REDIC1: variants seen among roughly 807,000 people sequenced by gnomAD.
REDIC1 encodes the protein regulator of DNA class I crossover intermediates 1.
the REDIC1 span, chr12:39,716,638 A>G: frequency 1.5e-6 from 1 of 656,914 alleles, no homozygotes; most frequent in South Asian, 2.0e-5. Flanking sequence ...GGTACATTTT[A>G]AAGTGTTTTG....
the REDIC1 span, among the ~76,000 whole-genome samples, chr12:39,811,482 C>G: frequency 6.6e-6 from 1 of 151,898 alleles, no homozygotes; most frequent in South Asian, 2.1e-4. Flanking sequence ...TTAGCTGTCC[C>G]CTGACGTTCT....
At chr12:39,677,427 A>C in the REDIC1 span, among the ~76,000 whole-genome samples, 1 of 152,136 alleles carries the variant, frequency 6.6e-6, no homozygotes, top group Non-Finnish European at 1.5e-5. Flanking sequence ...CTAACACAGG[A>C]GCTCCCAAAT....
chr12:39,786,877 G>A, the REDIC1 span, among the ~76,000 whole-genome samples: 3 of 152,170 alleles, frequency 2.0e-5, no homozygotes, highest in African/African-American at 7.2e-5. Context: ...GACTTATTTT[G>A]AGCTAGTTCT....
At chr12:39,861,272 T>C in the REDIC1 span, among the ~76,000 whole-genome samples, 6 of 152,254 alleles carry the variant, frequency 3.9e-5, no homozygotes, top group African/African-American at 1.4e-4. Flanking sequence ...TGAGTGCTTA[T>C]TATGTGCCAA....
At chr12:39,764,051 T>G in the REDIC1 span, among the ~76,000 whole-genome samples, 1 of 152,138 alleles carries the variant, frequency 6.6e-6, no homozygotes, top group East Asian at 1.9e-4. Context: ...ATTCTGCTCT[T>G]GGACTGGACG....
At chr12:39,727,419 A>G in the REDIC1 span, among the ~76,000 whole-genome samples, 18 of 152,088 alleles carry the variant, frequency 1.2e-4, no homozygotes, top group African/African-American at 3.1e-4. Context: ...TCCTTTCCCC[A>G]TTGCTTGTTT....
the REDIC1 span, chr12:39,650,212 G>A: frequency 2.0e-6 from 3 of 1,531,128 alleles, no homozygotes; most frequent in African/African-American, 2.8e-5. The surrounding 1 kb of genome is among the most constrained non-coding windows in gnomAD (Gnocchi z 4.3). Flanking sequence ...TACTATTTTG[G>A]CAGTTTCTTC....
chr12:39,755,270 C>T, the REDIC1 span: 5 of 151,984 alleles, frequency 3.3e-5, no homozygotes, highest in Admixed American at 1.3e-4. Context: ...TCCCATATAT[C>T]GCTTGTGGGA....
the REDIC1 span, among the ~76,000 whole-genome samples, chr12:39,751,506 GA>G: frequency 7.9e-5 from 12 of 152,302 alleles, no homozygotes; most frequent in East Asian, 2.1e-3. Context: ...ATTCCTCAAG[GA>G]TCTAGAACTA....
the REDIC1 span, among the ~76,000 whole-genome samples, chr12:39,713,015 GTGTATATACGTGTATATGTATATA>G: frequency 7.3e-6 from 1 of 137,174 alleles, no homozygotes; most frequent in African/African-American, 2.9e-5. Flanking sequence ...ATATATACAT[GTGTATATACGTGTATATGTATATA>G]TACATGTGTA....
chr12:39,732,992 CAAG>C, the REDIC1 span, among the ~76,000 whole-genome samples: 1 of 151,684 alleles, frequency 6.6e-6, no homozygotes, highest in South Asian at 2.1e-4. Context: ...GGTGATACTT[CAAG>C]TCCACAATTT....
chr12:39,793,367 G>A, the REDIC1 span, among the ~76,000 whole-genome samples: 1 of 152,060 alleles, frequency 6.6e-6, no homozygotes, highest in South Asian at 2.1e-4. Context: ...CCTTGTTTAT[G>A]GGTTTATTGG....
the REDIC1 span, among the ~76,000 whole-genome samples, chr12:39,872,497 C>T: frequency 1.3e-5 from 2 of 152,172 alleles, no homozygotes; most frequent in African/African-American, 4.8e-5. Flanking sequence ...AGATGAGAAA[C>T]TGACATGGGA....
chr12:39,846,592 C>A, the REDIC1 span, among the ~76,000 whole-genome samples: 2 of 152,164 alleles, frequency 1.3e-5, no homozygotes, highest in East Asian at 3.9e-4. Flanking sequence ...GCTGAGTCTA[C>A]AGGCACATAC....
At chr12:39,689,827 A>G in the REDIC1 span, among the ~76,000 whole-genome samples, 11 of 152,354 alleles carry the variant, frequency 7.2e-5, no homozygotes, top group South Asian at 2.3e-3. Flanking sequence ...TCCTCCCAAA[A>G]GATGAATTAT....
the REDIC1 span, among the ~76,000 whole-genome samples, chr12:39,729,086 T>C: frequency 6.6e-6 from 1 of 152,156 alleles, no homozygotes; most frequent in Non-Finnish European, 1.5e-5. Flanking sequence ...TCTATCTATT[T>C]TGTTAATCTT....
At chr12:39,647,646 C>A in the REDIC1 span, 1 of 521,684 alleles carries the variant, frequency 1.9e-6, no homozygotes, top group Non-Finnish European at 3.2e-6. Context: ...TAAGTTCTGT[C>A]AATTACTGAT....
At chr12:39,855,163 C>A in the REDIC1 span, among the ~76,000 whole-genome samples, 3 of 152,072 alleles carry the variant, frequency 2.0e-5, no homozygotes, top group East Asian at 1.9e-4. Flanking sequence ...ATTAGACTTG[C>A]GGCTATATTT....
At chr12:39,639,406 A>C in the REDIC1 span, among the ~76,000 whole-genome samples, 6 of 152,006 alleles carry the variant, frequency 3.9e-5, no homozygotes, top group Non-Finnish European at 5.9e-5. Context: ...GCATGGGGGA[A>C]CAAAGTTAAT....
Sources: gnomAD v4.1 joint callset for allele counts (sites outside exome capture counted in the v4.1 genomes callset) on GRCh38, gnomAD v4.1.1 for gene constraint, Gnocchi (gnomAD v3.1) non-coding constraint, MANE v1.5 for transcripts, NCBI Gene and HGNC (gene_info 2026-07-23, HGNC 2026-07-21) for gene names.